Variants in PARP14 observed in about 807,000 individuals in gnomAD.
PARP14 encodes poly(ADP-ribose) polymerase family member 14, also known as protein mono-ADP-ribosyltransferase PARP14.
Under a neutral mutation model 154.2 loss-of-function variants are expected in PARP14, and 59 were observed. The observed-to-expected ratio is 0.38, with a 90% confidence interval of 0.31 to 0.48. PARP14 has a LOEUF of 0.48. Among genes scored for constraint, PARP14 ranks in the 20% least tolerant of loss-of-function variants. The pLI, the probability that PARP14 is intolerant of heterozygous loss-of-function variation, is 0.98. For synonymous variants in PARP14, 720 were observed against 780.5 expected (o/e 0.92, Z 1.29); for missense variants, 1,734 against 2,131.6 (o/e 0.81, Z 3.67).
At chr3:122,727,281 A>G (rs890773037) in intron 15 of PARP14, among the ~76,000 whole-genome samples, 2 of 152,238 alleles carry the variant, frequency 1.3e-5, no homozygotes, top group African/African-American at 4.8e-5. Context: ...GTATGGTCAA[A>G]GCATGGCCAC....
In PARP14 at chr3:122,699,538, T is replaced by C. The variant is rs1377125123; in HGVS notation, c.984T>C (p.Leu328=). ...CACCATTTGAAGAGTCACTAGATCTTCCCTTATGGAAGTTCTTACAGAAAA... is the reference window on the plus strand; with the variant it reads ...CACCATTTGAAGAGTCACTAGATCTCCCCTTATGGAAGTTCTTACAGAAAA... ...LPAPFEESLD[L]PLWKFLQKKN... The change falls in exon 6 of 17, where the codon CTT becomes CTC. Residue 328 remains leucine, a synonymous_variant. Transcript: ENST00000474629. The C allele has an allele frequency of 1.2e-5, 20 of 1,614,010 alleles. No individual in the cohort carries two copies. In the East Asian group the frequency reaches 2.7e-4, roughly 22 times the overall value.
intron 15 of PARP14, among the ~76,000 whole-genome samples, chr3:122,724,521 C>A (rs1373395603): frequency 1.5e-5 from 2 of 134,614 alleles, no homozygotes; most frequent in African/African-American, 5.6e-5. Context: ...TGGTTTCAAA[C>A]TTTTGACTTC....
intron 15 of PARP14, chr3:122,722,459 C>G (rs1316915995): frequency 1.3e-5 from 2 of 152,210 alleles, no homozygotes; most frequent in Non-Finnish European, 2.9e-5. Flanking sequence ...CCAGCAATAT[C>G]TACAGTGGGC....
chr3:122,707,154 C>T (rs1453068293), intron 8 of PARP14, among the ~76,000 whole-genome samples: 3 of 152,092 alleles, frequency 2.0e-5, no homozygotes, highest in Non-Finnish European at 4.4e-5. Flanking sequence ...AGCGGTGGCT[C>T]ATGCCTGTAA....
intron 2 of PARP14, among the ~76,000 whole-genome samples, chr3:122,686,517 G>A (rs1297882815): frequency 2.0e-5 from 3 of 151,794 alleles, no homozygotes; most frequent in African/African-American, 7.3e-5. Flanking sequence ...GGAGTGCAGT[G>A]GCACCACCAT....
chr3:122,719,114 G>A (rs567883384), intron 14 of PARP14, among the ~76,000 whole-genome samples, 156 bp downstream of exon 14: 9 of 152,316 alleles, frequency 5.9e-5, no homozygotes, highest in South Asian at 2.1e-4. Flanking sequence ...AAGAGCTTAC[G>A]TTATGGCCAG....
Position 122,703,827 on chromosome 3 carries a change from C to T in PARP14, c.3167C>T (p.Pro1056Leu), listed in dbSNP as rs760154140. 2 of 1,613,752 alleles carry T rather than the reference C, an allele frequency of 1.2e-6. No individual in the cohort carries two copies. The highest frequency in any genetic ancestry group is 1.7e-6 in the Non-Finnish European group (2 of 1,179,838). Residue 1056 changes from proline (P) to leucine (L), a missense_variant, in exon 7 of 17, where the codon CCA becomes CTA. By Grantham distance (98) the Pro-to-Leu change is moderately conservative. Transcript: ENST00000474629. Reference sequence around the variant, plus strand: ...AAGTCCCTCTTGGAAAAAGCTGGACCAGAGCTCCAGGAGGAATTGGACACA... The same window carrying T: ...AAGTCCCTCTTGGAAAAAGCTGGACTAGAGCTCCAGGAGGAATTGGACACA... The part of the protein sequence containing the change: ...LSKSLLEKAG[P>L]ELQEELDTVG...
chr3:122,692,660 G>C (rs1576583486), intron 4 of PARP14, 117 bp downstream of exon 4: 1 of 782,684 alleles, frequency 1.3e-6, no homozygotes, highest in East Asian at 2.7e-5. Flanking sequence ...TACTAAGAGA[G>C]GTTTCCAAGT....
chr3:122,726,135 TTTTAA>T (rs1174239501), intron 15 of PARP14, among the ~76,000 whole-genome samples: 1 of 152,202 alleles, frequency 6.6e-6, no homozygotes, highest in African/African-American at 2.4e-5. Flanking sequence ...GATGAAACAT[TTTTAA>T]TTTGTTTATA....
intron 3 of PARP14, 95 bp downstream of exon 3, chr3:122,687,208 T>G: frequency 1.2e-6 from 1 of 836,594 alleles, no homozygotes; most frequent in Non-Finnish European, 2.0e-6. Flanking sequence ...CTTCTTGACT[T>G]CCACTATGCA....
Position 122,697,697 on chromosome 3 carries a change from A to G in PARP14, c.836-1693A>G, listed in dbSNP as rs867146428. On this transcript the variant is annotated intron_variant, in intron 5 of 16. Coordinates refer to ENST00000474629, the MANE Select transcript of PARP14 (RefSeq NM_017554.3). ...AAATTATTTGGTTCAACTTCACAAA[A>G]TCTGTTTTATTTCTTAAGAGAATTT... Among the ~76,000 whole-genome samples, 6 of 152,356 alleles carry G rather than the reference A, an allele frequency of 3.9e-5. No homozygotes were observed. The East Asian group carries it at 5.8e-4, about 15-fold the overall frequency.
At position 122,728,402 on chromosome 3, in the gene PARP14, T is replaced by A; in HGVS notation, c.5211T>A (p.His1737Gln). Residue 1737 changes from histidine (H) to glutamine (Q), a missense_variant, in exon 17 of 17, where the codon CAT becomes CAA. His to Gln is a conservative substitution (Grantham distance 24, BLOSUM62 0). Transcript: ENST00000474629. ...GACCAGATGCAAATGGGAGAAAGCA[T>A]GTGTATTATGTGCGAGTACTTACTG... ...YSRPDANGRKHVYYVRVLTGI... is the reference protein window; with the variant it reads ...YSRPDANGRKQVYYVRVLTGI... 1 of 1,613,818 alleles carries A rather than the reference T, an allele frequency of 6.2e-7. No homozygotes were observed. Among genetic ancestry groups the A allele is most frequent in the Non-Finnish European group, 8.5e-7 (1 of 1,179,694 alleles).
intron 3 of PARP14, among the ~76,000 whole-genome samples, chr3:122,690,289 G>A (rs1327477201): frequency 6.6e-6 from 1 of 152,180 alleles, no homozygotes; most frequent in Non-Finnish European, 1.5e-5. Context: ...AGTGGCAGCA[G>A]GGATTAAACA....
chr3:122,709,001 T>A (rs566678251), intron 9 of PARP14, among the ~76,000 whole-genome samples: 167 of 152,346 alleles, frequency 1.1e-3, no homozygotes, highest in Middle Eastern at 6.8e-3. Flanking sequence ...GGTTCTTTTT[T>A]AAATTTTTAA....
intron 15 of PARP14, among the ~76,000 whole-genome samples, chr3:122,722,834 C>T (rs1183316909): frequency 2.6e-5 from 4 of 152,172 alleles, no homozygotes; most frequent in Non-Finnish European, 5.9e-5. Flanking sequence ...CCTATTTTAG[C>T]AAGTATCTCC....
In PARP14 at chr3:122,695,751, A is replaced by G. The variant is rs1328616000; in HGVS notation, c.835+89A>G. On this transcript the variant is annotated intron_variant, in intron 5 of 16. Transcript: ENST00000474629. ...TATAAATTTAGTTCTGATGTGTTTT[A>G]TTTGTTTATTTATGTATTTCTTTGG... is the stretch of plus-strand genomic sequence containing the variant. 3 of 647,278 alleles carry G rather than the reference A, an allele frequency of 4.6e-6. 1 individual carries two copies. In the Admixed American group the frequency reaches 8.6e-5, roughly 19 times the overall value. 40.1% of individuals were successfully genotyped at this position (647,278 alleles called of 1,614,324 possible). A position where few individuals can be genotyped will look rare whatever the true frequency, so the allele number is the denominator to read the frequency against.
chr3:122,697,377 T>A (rs186865298), intron 5 of PARP14, among the ~76,000 whole-genome samples: 67 of 152,354 alleles, frequency 4.4e-4, no homozygotes, highest in Admixed American at 9.8e-4. Context: ...ATGACGAAAC[T>A]GAAGCACAGA....
chr3:122,684,959 A>G (rs1445075580), intron 1 of PARP14, among the ~76,000 whole-genome samples: 1 of 152,206 alleles, frequency 6.6e-6, no homozygotes, highest in East Asian at 1.9e-4. Flanking sequence ...CCTTATAAGT[A>G]TGGCTTATTA....
In PARP14 at chr3:122,699,737, A is replaced by T. The variant is rs1363273103; in HGVS notation, c.1183A>T (p.Arg395Trp). The T allele has an allele frequency of 2.5e-6, 4 of 1,613,838 alleles. No individual in the cohort carries two copies. The highest frequency in any genetic ancestry group is 3.4e-6 in the Non-Finnish European group (4 of 1,179,826). The change falls in exon 6 of 17, where the codon AGG (arginine) becomes TGG (tryptophan). Residue 395 changes from arginine to tryptophan, a missense_variant. Transcript: ENST00000474629. ...ADTSTTLSSI[R>W]SKYKVNPIKV... Reference sequence around the variant, plus strand: ...TACTTCCACAACACTCTCTAGCATCAGGTCTAAATATAAAGTCAACCCAAT... The same window carrying T: ...TACTTCCACAACACTCTCTAGCATCTGGTCTAAATATAAAGTCAACCCAAT...
Sources: gnomAD v4.1 joint callset for allele counts (sites outside exome capture counted in the v4.1 genomes callset) on GRCh38, gnomAD v4.1.1 for gene constraint, MANE v1.5 for transcripts, NCBI Gene and HGNC (gene_info 2026-07-23, HGNC 2026-07-21) for gene names.